The following SGCD variants were observed in gnomAD, a reference collection of about 807,000 sequenced individuals.
SGCD encodes sarcoglycan delta.
A neutral mutation model predicts 36.6 loss-of-function variants in SGCD; 18 were observed. The observed-to-expected ratio is 0.49, with a 90% CI of 0.34 to 0.73. The LOEUF (loss-of-function observed/expected upper bound fraction) is 0.73. Ranked by LOEUF, SGCD falls within the 30% of genes least tolerant of loss-of-function variation. The probability of loss-of-function intolerance (pLI) is 0.01; values close to 1 mark genes in which losing one functional copy is unlikely to be tolerated. For synonymous variants in SGCD, 133 were observed against 130.6 expected, an observed-to-expected ratio of 1.02 and a Z score of -0.12; for missense variants, 387 against 346.7, an observed-to-expected ratio of 1.12 and a Z score of -0.92.
chr5:156,608,979 G>A (rs1205864427), intron 6 of SGCD, among the ~76,000 whole-genome samples: 1 of 152,012 alleles, frequency 6.6e-6, no homozygotes, highest in African/African-American at 2.4e-5. Context: ...GCACACTGAT[G>A]GGTCTTGACT....
At chr5:155,951,678 AAGTGG>A (rs971401712) in intron 1 of SGCD, among the ~76,000 whole-genome samples, 2 of 152,170 alleles carry the variant, frequency 1.3e-5, no homozygotes, top group African/African-American at 4.8e-5. Flanking sequence ...AAAAAAATAA[AAGTGG>A]AGATAGGCTA....
At chr5:156,364,137 C>A (rs1769957947) in intron 3 of SGCD, among the ~76,000 whole-genome samples, 1 of 152,068 alleles carries the variant, frequency 6.6e-6, no homozygotes, top group Non-Finnish European at 1.5e-5. Context: ...AGATCTATCT[C>A]TCAGAACTGA....
At chr5:156,012,490 A>G (rs1367872470) in intron 1 of SGCD, among the ~76,000 whole-genome samples, 3 of 152,212 alleles carry the variant, frequency 2.0e-5, no homozygotes, top group Non-Finnish European at 4.4e-5. Context: ...CAGTGAAGTC[A>G]GTGATGACAT....
intron 1 of SGCD, among the ~76,000 whole-genome samples, chr5:155,968,274 G>C (rs1222707461): frequency 6.6e-6 from 1 of 152,128 alleles, no homozygotes; most frequent in African/African-American, 2.4e-5. Context: ...CTTAGAATTA[G>C]GAAATTTGCT....
chr5:156,627,068 G>T (rs909570681), intron 6 of SGCD, among the ~76,000 whole-genome samples: 3 of 152,154 alleles, frequency 2.0e-5, no homozygotes, highest in Admixed American at 6.6e-5. Context: ...ATCCTGAAAT[G>T]ATTTTTCAAG....
intron 3 of SGCD, among the ~76,000 whole-genome samples, chr5:156,457,453 G>A (rs1216425927): frequency 6.6e-6 from 1 of 152,164 alleles, no homozygotes. Context: ...AAAACAGTAA[G>A]TATTTGACAC....
At chr5:155,813,141 A>G in the SGCD span, among the ~76,000 whole-genome samples, 2 of 152,028 alleles carry the variant, frequency 1.3e-5, no homozygotes, top group African/African-American at 4.8e-5. Context: ...CACAATGACT[A>G]TGTGGAGGGG....
chr5:156,722,839 A>G (rs1755575874), intron 7 of SGCD, among the ~76,000 whole-genome samples: 1 of 151,836 alleles, frequency 6.6e-6, no homozygotes, highest in Non-Finnish European at 1.5e-5. Context: ...ATCTTTGACT[A>G]CTCTCTGGGG....
At chr5:156,604,804 A>G (rs776656604) in intron 6 of SGCD, among the ~76,000 whole-genome samples, 124 of 147,310 alleles carry the variant, frequency 8.4e-4, no homozygotes, top group Admixed American at 3.3e-3. Flanking sequence ...AATATATATA[A>G]ATTATACACT....
chr5:156,053,306 T>A (rs1448386228), intron 1 of SGCD, among the ~76,000 whole-genome samples: 1 of 145,398 alleles, frequency 6.9e-6, no homozygotes, highest in African/African-American at 2.5e-5. Context: ...TGTAACATGG[T>A]CACCATCCTG....
chr5:155,943,099 T>C (rs1440278674), intron 1 of SGCD, among the ~76,000 whole-genome samples: 2 of 152,236 alleles, frequency 1.3e-5, no homozygotes, highest in Non-Finnish European at 2.9e-5. Context: ...AAGTAGATTT[T>C]CCATAGAGGT....
At chr5:156,422,251 C>T (rs2127778686) in intron 3 of SGCD, among the ~76,000 whole-genome samples, 1 of 152,170 alleles carries the variant, frequency 6.6e-6, no homozygotes, top group Non-Finnish European at 1.5e-5. Flanking sequence ...AACAATATCC[C>T]TGTTTGCTCC....
chr5:155,908,938 T>C lies in SGCD; in HGVS notation c.-282+38514T>C, dbSNP rs527514320. Among the ~76,000 whole-genome samples, 8 of 152,256 alleles carry C rather than the reference T, an allele frequency of 5.3e-5. No individual in the cohort carries two copies. The South Asian group carries it at 1.7e-3, about 32-fold the overall frequency. On this transcript the variant is annotated intron_variant, in intron 1 of 9. Coordinates refer to the SGCD transcript ENST00000517913. ...TGAAATAAAGGATGGAATGAATGGA[T>C]AACTTATTTTTTAAACATATTGTAA...
At chr5:156,261,711 G>A (rs1188697534) in intron 3 of SGCD, among the ~76,000 whole-genome samples, 1 of 152,188 alleles carries the variant, frequency 6.6e-6, no homozygotes, top group Admixed American at 6.5e-5. Context: ...CCTAGGAGAT[G>A]ACAGCTCCAA....
chr5:155,788,750 C>T, the SGCD span, among the ~76,000 whole-genome samples: 1 of 152,030 alleles, frequency 6.6e-6, no homozygotes. Flanking sequence ...CTTTCAAGGG[C>T]CTTATACTTT....
intron 4 of SGCD, among the ~76,000 whole-genome samples, chr5:156,571,340 C>A (rs771211829): frequency 1.3e-5 from 2 of 152,208 alleles, no homozygotes; most frequent in African/African-American, 2.4e-5. Flanking sequence ...AGCCACTGTG[C>A]CTGGCCCTTC....
chr5:156,572,478 C>T (rs1342889506), intron 4 of SGCD, among the ~76,000 whole-genome samples: 1 of 152,104 alleles, frequency 6.6e-6, no homozygotes, highest in East Asian at 1.9e-4. Context: ...TTTTTAGCCT[C>T]ATTTTAACTT....
At chr5:156,366,918 A>G (rs1770137636) in intron 3 of SGCD, among the ~76,000 whole-genome samples, 1 of 152,228 alleles carries the variant, frequency 6.6e-6, no homozygotes, top group African/African-American at 2.4e-5. Flanking sequence ...GAATTCCAAG[A>G]ATGTTTTAGT....
chr5:156,012,740 G>A (rs1359505292), intron 1 of SGCD, among the ~76,000 whole-genome samples: 1 of 150,766 alleles, frequency 6.6e-6, no homozygotes, highest in Admixed American at 6.6e-5. Flanking sequence ...AGCCTCCCAA[G>A]TAAATGGGAC....
Sources: gnomAD v4.1 joint callset for allele counts (sites outside exome capture counted in the v4.1 genomes callset) on GRCh38, gnomAD v4.1.1 for gene constraint, MANE v1.5 for transcripts, NCBI Gene and HGNC (gene_info 2026-07-23, HGNC 2026-07-21) for gene names.